PMEPA1: variants seen among roughly 807,000 people sequenced by gnomAD.
PMEPA1 encodes the protein protein TMEPAI.
PMEPA1 carries 11 observed loss-of-function variants against 23.0 expected under a neutral mutation model. The observed-to-expected ratio is 0.48, with a 90% CI of 0.30 to 0.79. PMEPA1 has a LOEUF of 0.79. Among genes scored for constraint, PMEPA1 ranks in the 30% least tolerant of loss-of-function variants. The pLI is 0.06. For missense variants in PMEPA1, 377 were observed against 390.9 expected, an observed-to-expected ratio of 0.96 and a Z score of 0.30; for synonymous variants, 204 against 166.4, an observed-to-expected ratio of 1.23 and a Z score of -1.74.
At chr20:57,666,273 G>A (rs899333244) in intron 1 of PMEPA1, among the ~76,000 whole-genome samples, 3 of 152,096 alleles carry the variant, frequency 2.0e-5, no homozygotes, top group Non-Finnish European at 4.4e-5. Flanking sequence ...GCACAGCTCT[G>A]CCCTGTCCTG....
At position 57,663,016 on chromosome 20, in the gene PMEPA1, G is replaced by A. The variant is rs146189611; in HGVS notation, c.110-3319C>T. ...CGCCAGGCTCGGCCCCAGGGGCAGG[G>A]GGATCTGACTTTTGGACGTCTGTAT... On this transcript the variant is annotated intron_variant, in intron 1 of 3. Transcript: ENST00000341744. Among the ~76,000 whole-genome samples, 1,289 of 152,330 alleles carry A rather than the reference G, an allele frequency of 8.5e-3. 12 individuals are homozygous for A. Among genetic ancestry groups the A allele is most frequent in the African/African-American group, 0.024 (1,010 of 41,570 alleles).
Position 57,683,284 on chromosome 20 carries a change from G to C in PMEPA1, c.110-23587C>G, listed in dbSNP as rs530884431. 6.6e-6 allele frequency among the ~76,000 whole-genome samples: 1 copy of C among 152,344 alleles called. No homozygotes were observed. Among genetic ancestry groups the C allele is most frequent in the East Asian group, 1.9e-4 (1 of 5,194 alleles). ...GTTTTTGATGTGCTGAGAGAGGCCA[G>C]TTTTTGGAGGGAAACATCAATACTG... On this transcript the variant is annotated intron_variant, in intron 1 of 3. Transcript: ENST00000341744. This position sits in a 1 kb window ranked among gnomAD's most constrained non-coding sequence, Gnocchi z 4.3.
chr20:57,659,526 G>T lies in PMEPA1; in HGVS notation c.264+17C>A, dbSNP rs2071378919. On this transcript the variant is annotated intron_variant, in intron 2 of 3. Transcript: ENST00000341744. ...TGCCGCACCCTCAGGCCACAGATGG[G>T]ATGGCGGGGCACTTACTGAGGACAG... The T allele has an allele frequency of 2.5e-6, 4 of 1,611,654 alleles. No homozygotes were observed. The highest frequency in any genetic ancestry group is 1.3e-5 in the African/African-American group (1 of 74,878).
At chr20:57,690,396 C>T in intron 1 of PMEPA1, 1 of 1,293,306 alleles carries the variant, frequency 7.7e-7, no homozygotes, top group Non-Finnish European at 1.0e-6. Flanking sequence ...AAACTTACCT[C>T]CATGTGCTGG....
intron 1 of PMEPA1, among the ~76,000 whole-genome samples, chr20:57,674,821 T>G (rs1831747723): frequency 6.6e-6 from 1 of 152,204 alleles, no homozygotes; most frequent in African/African-American, 2.4e-5. Context: ...AGGCCAGGCC[T>G]CAGGAGCGAG....
intron 1 of PMEPA1, among the ~76,000 whole-genome samples, chr20:57,661,470 TG>T (rs1338218964): frequency 1.3e-5 from 2 of 152,156 alleles, no homozygotes; most frequent in African/African-American, 4.8e-5. Flanking sequence ...CCGGCTGGCA[TG>T]GGGGCAAGGA....
At chr20:57,661,476 C>A (rs114541653) in intron 1 of PMEPA1, among the ~76,000 whole-genome samples, 3,282 of 152,276 alleles carry the variant, frequency 0.022, 74 homozygotes, top group African/African-American at 0.055. Flanking sequence ...GGCATGGGGG[C>A]AAGGAGGACT....
At chr20:57,659,837 C>G (rs924318366) in intron 1 of PMEPA1, 140 bp from the exon 2 acceptor site, 10 of 764,236 alleles carry the variant, frequency 1.3e-5, no homozygotes, top group Non-Finnish European at 1.9e-5. Flanking sequence ...GCCACTCTCC[C>G]GGCAAGGTCA....
intron 1 of PMEPA1, among the ~76,000 whole-genome samples, chr20:57,671,468 G>C (rs1246269170): frequency 6.6e-6 from 1 of 152,064 alleles, no homozygotes; most frequent in Non-Finnish European, 1.5e-5. Context: ...AACCCTGCAA[G>C]TTCAACTTCC....
chr20:57,662,829 G>A (rs779598064), intron 1 of PMEPA1, among the ~76,000 whole-genome samples: 31 of 152,142 alleles, frequency 2.0e-4, no homozygotes, highest in African/African-American at 7.2e-4. Flanking sequence ...GGAGGGAGGT[G>A]TGTGGCTGTT....
chr20:57,687,125 C>T (rs1186060331), intron 1 of PMEPA1, among the ~76,000 whole-genome samples: 1 of 152,256 alleles, frequency 6.6e-6, no homozygotes, highest in Non-Finnish European at 1.5e-5. Flanking sequence ...TCTGGTTCTG[C>T]CCCAGACGTG....
chr20:57,675,806 G>A (rs1242397573), intron 1 of PMEPA1, among the ~76,000 whole-genome samples: 1 of 152,234 alleles, frequency 6.6e-6, no homozygotes, highest in African/African-American at 2.4e-5. Flanking sequence ...GCATCTGTCT[G>A]TCTGTCTGTC....
At chr20:57,678,047 G>A (rs1600650935) in intron 1 of PMEPA1, among the ~76,000 whole-genome samples, 1 of 152,196 alleles carries the variant, frequency 6.6e-6, no homozygotes, top group East Asian at 1.9e-4. Flanking sequence ...GTAAGGGGGT[G>A]GATACAGTTA....
intron 1 of PMEPA1, among the ~76,000 whole-genome samples, chr20:57,707,945 G>A (rs1184895572): frequency 2.6e-5 from 4 of 152,218 alleles, no homozygotes; most frequent in African/African-American, 9.7e-5. Flanking sequence ...TTCCGCAAAC[G>A]CTGGCTCTGG....
intron 1 of PMEPA1, among the ~76,000 whole-genome samples, chr20:57,705,327 C>T (rs1280273235): frequency 1.3e-5 from 2 of 152,208 alleles, no homozygotes; most frequent in Non-Finnish European, 2.9e-5. Context: ...ACCTAAGATT[C>T]GGGTCATAGA....
intron 1 of PMEPA1, among the ~76,000 whole-genome samples, chr20:57,688,435 T>C (rs1314042737): frequency 1.3e-5 from 2 of 152,038 alleles, no homozygotes; most frequent in African/African-American, 4.8e-5. Flanking sequence ...AGGCACTTCC[T>C]CCATGCCCCA....
chr20:57,653,076 A>T lies in PMEPA1; in HGVS notation c.275T>A (p.Leu92Gln). The T allele has an allele frequency of 6.3e-7, 1 of 1,587,942 alleles. No homozygotes were observed. The highest frequency in any genetic ancestry group is 1.8e-5 in the Admixed American group (1 of 56,088). The change falls in exon 3 of 4, where the codon CTG (leucine) becomes CAG (glutamine). Residue 92 changes from leucine to glutamine, a missense_variant. Transcript: ENST00000341744. ...TGACACTGTGCTCTCCGAGGGCCAC[A>T]GGCATCCTTCCTGCACAGGAAGAAA... ...REDALSSEGCLWPSESTVSGN... is the reference protein window; with the variant it reads ...REDALSSEGCQWPSESTVSGN...
chr20:57,693,390 G>A (rs896178053), intron 1 of PMEPA1, among the ~76,000 whole-genome samples: 19 of 152,188 alleles, frequency 1.2e-4, no homozygotes, highest in African/African-American at 3.6e-4. Flanking sequence ...CCCAGGATCC[G>A]AGACCTGCAT....
Position 57,655,228 on chromosome 20 carries a change from T to C in PMEPA1, c.265-2142A>G, listed in dbSNP as rs571555878. Among the ~76,000 whole-genome samples the C allele has an allele frequency of 1.6e-3, 250 of 152,150 alleles. No individual in the cohort carries two copies. The highest frequency in any genetic ancestry group is 3.4e-3 in the Middle Eastern group (1 of 294). On this transcript the variant is annotated intron_variant, in intron 2 of 3. Coordinates refer to ENST00000341744, the MANE Select transcript of PMEPA1 (RefSeq NM_020182.5). This position sits in a 1 kb window ranked among gnomAD's most constrained non-coding sequence, Gnocchi z 4.2. ...GTCTGGACCAATGGCCCCTCTTTCC[T>C]CCCTTTCCTGAAGAACTTTGACTGG...
Sources: allele counts gnomAD v4.1 joint callset (sites outside exome capture counted in the v4.1 genomes callset), GRCh38; gene constraint gnomAD v4.1.1; non-coding constraint Gnocchi (gnomAD v3.1); transcripts MANE v1.5; gene names NCBI Gene and HGNC (gene_info 2026-07-23, HGNC 2026-07-21).